The following CPXM2 variants were observed in gnomAD, a reference collection of about 807,000 sequenced individuals.
CPXM2 encodes the protein inactive carboxypeptidase-like protein X2.
In CPXM2, 66 loss-of-function variants were observed where a neutral mutation model predicts 86.1. That is an observed-to-expected ratio of 0.77 (90% CI 0.63 to 0.94). The LOEUF (loss-of-function observed/expected upper bound fraction) is 0.94. Ranked by LOEUF, CPXM2 falls within the 40% of genes least tolerant of loss-of-function variation. The pLI is 0.00. For missense variants in CPXM2, 948 were observed against 1,026.3 expected (o/e 0.92, Z 1.04); for synonymous variants, 388 against 400.2 (o/e 0.97, Z 0.36).
chr10:123,854,908 C>T (rs1237189359), intron 3 of CPXM2, among the ~76,000 whole-genome samples: 1 of 151,990 alleles, frequency 6.6e-6, no homozygotes, highest in Non-Finnish European at 1.5e-5. Context: ...TATATCTGAA[C>T]CAGATAATCC....
At chr10:123,906,547 T>C (rs920564193) in intron 2 of CPXM2, among the ~76,000 whole-genome samples, 4 of 152,220 alleles carry the variant, frequency 2.6e-5, no homozygotes, top group African/African-American at 7.2e-5. Context: ...TGCATGATAT[T>C]GGAATAAAAT....
chr10:123,863,165 A>G (rs1848892536), intron 2 of CPXM2, among the ~76,000 whole-genome samples: 1 of 152,248 alleles, frequency 6.6e-6, no homozygotes, highest in Non-Finnish European at 1.5e-5. Context: ...GATAACATGG[A>G]GCACAGCTAG....
chr10:123,900,294 G>A (rs1389016422), intron 2 of CPXM2, among the ~76,000 whole-genome samples: 1 of 152,106 alleles, frequency 6.6e-6, no homozygotes, highest in African/African-American at 2.4e-5. Flanking sequence ...TGCCTGCTTT[G>A]GCCTCCCAAA....
At chr10:123,810,326 C>T (rs74162942) in intron 4 of CPXM2, among the ~76,000 whole-genome samples, 1,614 of 151,932 alleles carry the variant, frequency 0.011, 19 homozygotes, top group African/African-American at 0.037. Flanking sequence ...ATTCCTCTCT[C>T]AATTATTATT....
intron 4 of CPXM2, among the ~76,000 whole-genome samples, chr10:123,816,404 A>C (rs1423309201): frequency 2.0e-5 from 3 of 152,220 alleles, no homozygotes; most frequent in Non-Finnish European, 4.4e-5. Flanking sequence ...TAGAAAAATA[A>C]TAAATCAAAA....
intron 2 of CPXM2, among the ~76,000 whole-genome samples, chr10:123,916,405 A>C (rs895872506): frequency 4.6e-5 from 7 of 152,124 alleles, no homozygotes; most frequent in Non-Finnish European, 8.8e-5. Context: ...AGACTGAGAA[A>C]ACCAGAGCCA....
At chr10:123,794,763 G>T (rs929533032) in intron 6 of CPXM2, among the ~76,000 whole-genome samples, 1 of 151,144 alleles carries the variant, frequency 6.6e-6, no homozygotes. Flanking sequence ...GTGTGTGTGT[G>T]TGTGTGCGCA....
At chr10:123,842,605 G>T in intron 3 of CPXM2, 117 bp from the exon 4 acceptor site, 1 of 1,021,034 alleles carries the variant, frequency 9.8e-7, no homozygotes, top group Non-Finnish European at 1.4e-6. Context: ...AATGAGGAAG[G>T]TGTTAAAGAA....
At chr10:123,875,807 C>CTTTTTTCTT (rs1554888265) in intron 2 of CPXM2, among the ~76,000 whole-genome samples, 11 of 84,678 alleles carry the variant, frequency 1.3e-4, no homozygotes, top group African/African-American at 1.7e-4. Flanking sequence ...TCTTTTCTTT[C>CTTTTTTCTT]TTTTTTTTTT....
At position 123,746,642 on chromosome 10, in the gene CPXM2, CCT is replaced by C; in HGVS notation, c.*120_*121del. On this transcript the variant is annotated 3_prime_UTR_variant, in exon 14 of 14. Transcript: ENST00000241305. The stretch of plus-strand genomic sequence containing the variant: ...TTTTGGGACCTGCCTCACAATGCAC[CCT>C]CTCTTCCAGGCACTTCTTGAATTAC... 1.0e-6 allele frequency: 1 copy of C among 954,300 alleles called. No individual in the cohort carries two copies. Among genetic ancestry groups the C allele is most frequent in the East Asian group, 2.4e-5 (1 of 41,454 alleles). 59.1% of individuals were successfully genotyped at this position (954,300 alleles called of 1,614,324 possible). A position where few individuals can be genotyped will look rare whatever the true frequency, so the allele number is the denominator to read the frequency against.
chr10:123,748,657 T>C (rs1402522897), intron 13 of CPXM2, among the ~76,000 whole-genome samples: 1 of 152,056 alleles, frequency 6.6e-6, no homozygotes, highest in Non-Finnish European at 1.5e-5. Flanking sequence ...TGGCGCTGTG[T>C]GCTGGGTCTT....
At chr10:123,877,746 T>C (rs534132744) in intron 2 of CPXM2, among the ~76,000 whole-genome samples, 11 of 152,306 alleles carry the variant, frequency 7.2e-5, no homozygotes, top group Non-Finnish European at 1.5e-4. Context: ...CTCAACCAAC[T>C]TCTTAAACTA....
chr10:123,828,927 G>T (rs1046021934), intron 4 of CPXM2, among the ~76,000 whole-genome samples: 2 of 152,078 alleles, frequency 1.3e-5, no homozygotes, highest in Admixed American at 1.3e-4. Context: ...TAAGAAGACA[G>T]AAAGACAAAA....
At chr10:123,803,885 G>A (rs1347597018) in intron 4 of CPXM2, among the ~76,000 whole-genome samples, 1 of 151,958 alleles carries the variant, frequency 6.6e-6, no homozygotes, top group African/African-American at 2.4e-5. Flanking sequence ...TGGTCTCGAT[G>A]TCCTGACCTC....
intron 4 of CPXM2, among the ~76,000 whole-genome samples, chr10:123,806,567 G>T (rs1272642603): frequency 6.6e-6 from 1 of 152,104 alleles, no homozygotes; most frequent in Non-Finnish European, 1.5e-5. Flanking sequence ...TTGACATTAA[G>T]AAGGCTGTAT....
Position 123,750,104 on chromosome 10 carries a change from C to A in CPXM2, c.2018-3087G>T, listed in dbSNP as rs1846043195. 6 of 984,360 alleles carry A rather than the reference C, an allele frequency of 6.1e-6. No homozygotes were observed. The South Asian group carries it at 1.9e-4, about 31-fold the overall frequency. 61.0% of individuals were successfully genotyped at this position (984,360 alleles called of 1,614,324 possible). ...AAGTGCCGAGGATTACAGGCATGAGCCACCATGCCAGTTCTAGAGTTTATT... is the reference window on the plus strand; with the variant it reads ...AAGTGCCGAGGATTACAGGCATGAGACACCATGCCAGTTCTAGAGTTTATT... On this transcript the variant is annotated intron_variant, in intron 13 of 13. Transcript: ENST00000241305.
chr10:123,841,531 C>T (rs3942370), intron 4 of CPXM2, among the ~76,000 whole-genome samples: 45,913 of 152,016 alleles, frequency 0.3, 7,911 homozygotes, highest in African/African-American at 0.47. Context: ...TCCTCCTAGC[C>T]CTGGCAACAC....
chr10:123,746,402 T>C lies in CPXM2; in HGVS notation c.*362A>G, dbSNP rs911781173. ...CAAATTGCAAATGCACGTGGAACCC[T>C]TGCTGCCACGCAAACAGGGGAAGCA... On this transcript the variant is annotated 3_prime_UTR_variant, in exon 14 of 14. Transcript: ENST00000241305. The C allele has an allele frequency of 4.5e-5, 12 of 263,902 alleles. No homozygotes were observed. Among genetic ancestry groups the C allele is most frequent in the Admixed American group, 4.0e-4 (8 of 20,194 alleles). 16.3% of individuals were successfully genotyped at this position (263,902 alleles called of 1,614,324 possible).
chr10:123,913,882 C>A (rs774389253), intron 2 of CPXM2: 22 of 407,074 alleles, frequency 5.4e-5, no homozygotes, highest in Non-Finnish European at 8.5e-5. Context: ...GAGGCACCCC[C>A]CTCCCAGGCT....
Sources: gnomAD v4.1 joint callset for allele counts (sites outside exome capture counted in the v4.1 genomes callset) on GRCh38, gnomAD v4.1.1 for gene constraint, MANE v1.5 for transcripts, NCBI Gene and HGNC (gene_info 2026-07-23, HGNC 2026-07-21) for gene names.